Variants in UTRN observed in about 807,000 individuals in gnomAD.
The protein encoded by UTRN is utrophin, also known as dystrophin-related protein 1.
In UTRN, 283 loss-of-function variants were observed where a neutral mutation model predicts 463.9. The observed-to-expected ratio is 0.61, with a 90% CI of 0.55 to 0.67. The LOEUF (loss-of-function observed/expected upper bound fraction) is 0.67, where lower values mean the gene tolerates loss of function less well. Ranked by LOEUF, UTRN falls within the 30% of genes least tolerant of loss-of-function variation. The pLI is 0.00. For missense variants in UTRN, 3,922 were observed against 4,084.3 expected (o/e 0.96, Z 1.08); for synonymous variants, 1,442 against 1,431.5 (o/e 1.01, Z -0.17).
intron 2 of UTRN, among the ~76,000 whole-genome samples, chr6:144,379,603 A>G (rs1490563380): frequency 6.6e-6 from 1 of 152,214 alleles, no homozygotes; most frequent in Non-Finnish European, 1.5e-5. Flanking sequence ...TTTAGTCTCA[A>G]AAGTCCGACT....
intron 2 of UTRN, among the ~76,000 whole-genome samples, chr6:144,376,253 G>A (rs865996705): frequency 2.0e-5 from 3 of 152,010 alleles, no homozygotes; most frequent in Non-Finnish European, 2.9e-5. Context: ...TCAGGAGTTC[G>A]ATACCAGCCT....
At chr6:144,466,510 C>A (rs1049365776) in intron 23 of UTRN, among the ~76,000 whole-genome samples, 3 of 152,216 alleles carry the variant, frequency 2.0e-5, no homozygotes, top group African/African-American at 7.2e-5. Flanking sequence ...AAAGCAATAA[C>A]CTCCATTCCT....
chr6:144,715,700 C>CCCA (rs890903143), intron 53 of UTRN, among the ~76,000 whole-genome samples: 1 of 141,368 alleles, frequency 7.1e-6, no homozygotes. Context: ...TCTTCCCCCC[C>CCCA]CACCCTTTTC....
chr6:144,583,232 TGCCGGGCTGA>T, intron 51 of UTRN: 1 of 360,716 alleles, frequency 2.8e-6, no homozygotes, highest in South Asian at 1.2e-4. Context: ...TTTCTGGCCA[TGCCGGGCTGA>T]GCAAGTGCTG....
intron 53 of UTRN, among the ~76,000 whole-genome samples, chr6:144,720,633 C>G (rs563824270): frequency 5.9e-4 from 90 of 152,290 alleles, no homozygotes; most frequent in African/African-American, 2.1e-3. Context: ...GGAAGGTACA[C>G]AATCGGACAA....
At chr6:144,314,178 C>T (rs959624862) in intron 2 of UTRN, among the ~76,000 whole-genome samples, 1 of 151,840 alleles carries the variant, frequency 6.6e-6, no homozygotes, top group African/African-American at 2.4e-5. Context: ...AGGGAGCCAG[C>T]GTTGGGAATA....
intron 19 of UTRN, among the ~76,000 whole-genome samples, chr6:144,456,299 C>T (rs566829761): frequency 2.6e-5 from 4 of 152,218 alleles, no homozygotes; most frequent in Admixed American, 6.5e-5. Context: ...GTCTTTCCTG[C>T]CTAATGCATT....
chr6:144,583,383 A>T, intron 51 of UTRN: 1 of 543,948 alleles, frequency 1.8e-6, no homozygotes, highest in Non-Finnish European at 3.4e-6. Flanking sequence ...CTTTCCTGGA[A>T]ACGAGCATGC....
Position 144,751,939 on chromosome 6 carries a change from G to A in UTRN, c.8342G>A (p.Trp2781Ter), listed in dbSNP as rs749094106. 1 of 1,607,906 alleles carries A rather than the reference G, an allele frequency of 6.2e-7. No homozygotes were observed. Among genetic ancestry groups the A allele is most frequent in the Non-Finnish European group, 8.5e-7 (1 of 1,177,478 alleles). ...SRQLDDLNMR[W>*]KLLQVSVDDR... The stretch of plus-strand genomic sequence containing the variant: ...CAGCTAGATGACCTTAATATGCGAT[G>A]GAAACTTTTACAGGTATCAGCTTAT... The change falls in exon 56 of 75, where the codon TGG becomes TAG. Residue 2781 changes from tryptophan (W) to a stop codon, truncating the protein, a stop_gained. Coordinates refer to ENST00000367545, the MANE Select transcript of UTRN (RefSeq NM_007124.3). LOFTEE classifies it high-confidence loss of function.
intron 2 of UTRN, among the ~76,000 whole-genome samples, chr6:144,385,908 C>G (rs1404414658): frequency 6.6e-6 from 1 of 152,082 alleles, no homozygotes; most frequent in Non-Finnish European, 1.5e-5. Flanking sequence ...AAGGTTTCAT[C>G]ATGTTGACCA....
At chr6:144,616,484 A>G (rs1229672359) in intron 51 of UTRN, among the ~76,000 whole-genome samples, 1 of 151,728 alleles carries the variant, frequency 6.6e-6, no homozygotes, top group Admixed American at 6.6e-5. Context: ...TTTGTTTCCT[A>G]TGCACTCATG....
At chr6:144,448,541 G>A in intron 16 of UTRN, 59 bp from the exon 17 acceptor site, 1 of 1,562,098 alleles carries the variant, frequency 6.4e-7, no homozygotes, top group Non-Finnish European at 8.7e-7. Context: ...TATAGCATGT[G>A]AATTACATCT....
chr6:144,561,250 T>TACAC (rs1200374892), intron 50 of UTRN, among the ~76,000 whole-genome samples: 26 of 51,826 alleles, frequency 5.0e-4, no homozygotes, highest in African/African-American at 1.6e-3. Context: ...TATATATATA[T>TACAC]ATATATATAT....
intron 12 of UTRN, 134 bp downstream of exon 12, chr6:144,439,029 C>T (rs1477316280): frequency 2.1e-6 from 2 of 960,168 alleles, no homozygotes; most frequent in Non-Finnish European, 3.1e-6. Context: ...TTTAGCAGCT[C>T]ACAGGGTGGA....
chr6:144,836,822 A>AC (rs1781147123), intron 71 of UTRN, among the ~76,000 whole-genome samples: 1 of 152,212 alleles, frequency 6.6e-6, no homozygotes, highest in Admixed American at 6.5e-5. Context: ...ATATCCTATG[A>AC]CATATATCTT....
chr6:144,684,411 T>G (rs1014555770), intron 52 of UTRN, among the ~76,000 whole-genome samples: 1 of 152,194 alleles, frequency 6.6e-6, no homozygotes, highest in African/African-American at 2.4e-5. Flanking sequence ...ATATCCATAT[T>G]CACAACTTTT....
intron 2 of UTRN, among the ~76,000 whole-genome samples, chr6:144,347,614 A>T (rs1777693949): frequency 6.6e-6 from 1 of 152,206 alleles, no homozygotes; most frequent in Non-Finnish European, 1.5e-5. Context: ...AAGACACTCC[A>T]GGAAAAGGTC....
intron 53 of UTRN, among the ~76,000 whole-genome samples, chr6:144,718,048 G>A (rs1367092345): frequency 6.6e-6 from 1 of 152,120 alleles, no homozygotes; most frequent in Non-Finnish European, 1.5e-5. Flanking sequence ...TCTGGCATTG[G>A]TCAACCAAAG....
chr6:144,824,613 T>TATATATATATATA (rs1562955143), intron 66 of UTRN, among the ~76,000 whole-genome samples: 2 of 50,654 alleles, frequency 3.9e-5, no homozygotes, highest in Non-Finnish European at 6.6e-5. Flanking sequence ...TATATATATA[T>TATATATATATATA]CTTTTTTTTT....
Sources: allele counts gnomAD v4.1 joint callset (sites outside exome capture counted in the v4.1 genomes callset), GRCh38; gene constraint gnomAD v4.1.1; transcripts MANE v1.5; gene names NCBI Gene and HGNC (gene_info 2026-07-23, HGNC 2026-07-21).